The following ZNF385B variants were observed in gnomAD, a reference collection of about 807,000 sequenced individuals.
The protein encoded by ZNF385B is zinc finger protein 533.
Under a neutral mutation model 39.2 loss-of-function variants are expected in ZNF385B, and 23 were observed. The observed-to-expected ratio is 0.59, with a 90% CI of 0.42 to 0.83. The LOEUF (loss-of-function observed/expected upper bound fraction) is 0.83. Ranked by LOEUF, ZNF385B falls within the 40% of genes least tolerant of loss-of-function variation. ZNF385B has a pLI of 0.00. For missense variants in ZNF385B, 552 were observed against 598.9 expected (o/e 0.92, Z 0.82); for synonymous variants, 205 against 222.6 (o/e 0.92, Z 0.70).
At chr2:179,753,333 T>C (rs1276943598) in intron 3 of ZNF385B, among the ~76,000 whole-genome samples, 1 of 152,226 alleles carries the variant, frequency 6.6e-6, no homozygotes, top group Non-Finnish European at 1.5e-5. Context: ...CTGTTTTGGT[T>C]ACTGTGGCCT....
At position 179,689,783 on chromosome 2, in the gene ZNF385B, ATGTG is replaced by A. The variant is rs112957152; in HGVS notation, c.298+79716_298+79719del. ...TGAAGAAGAGCGTGAGGGCAGGGGC[ATGTG>A]TGTGTGTGTGTGTGTGTGTGTGTGT... is the stretch of plus-strand genomic sequence containing the variant. On this transcript the variant is annotated intron_variant, in intron 3 of 9. Transcript: ENST00000410066. Among the ~76,000 whole-genome samples the A allele has an allele frequency of 6.4e-3, 833 of 130,082 alleles. 3 individuals are homozygous for A. Among genetic ancestry groups the A allele is most frequent in the Middle Eastern group, 0.012 (3 of 256 alleles). The allele number at this position is 130,082 out of a possible 152,430, so 85.3% of individuals were successfully genotyped here. A position where few individuals can be genotyped will look rare whatever the true frequency, so the allele number is the denominator to read the frequency against.
intron 3 of ZNF385B, among the ~76,000 whole-genome samples, chr2:179,607,578 G>A (rs1347042665): frequency 1.3e-5 from 2 of 152,020 alleles, no homozygotes; most frequent in Non-Finnish European, 2.9e-5. Context: ...GTGAAAATGG[G>A]CTAATAAAAC....
chr2:179,812,427 C>T (rs960785867), intron 1 of ZNF385B, among the ~76,000 whole-genome samples: 6 of 152,032 alleles, frequency 3.9e-5, no homozygotes, highest in Non-Finnish European at 7.4e-5. Context: ...TAAAGAAACG[C>T]GGTACACATA....
intron 3 of ZNF385B, among the ~76,000 whole-genome samples, chr2:179,657,229 C>G (rs767343273): frequency 2.4e-4 from 36 of 152,272 alleles, no homozygotes; most frequent in Non-Finnish European, 4.3e-4. Context: ...TCATGATGAA[C>G]AAGAAAACTT....
intron 4 of ZNF385B, among the ~76,000 whole-genome samples, chr2:179,520,893 A>G (rs1399687313): frequency 6.6e-6 from 1 of 152,196 alleles, no homozygotes; most frequent in African/African-American, 2.4e-5. Flanking sequence ...TAAATCATAG[A>G]AATAATGTAC....
At position 179,664,311 on chromosome 2, in the gene ZNF385B, A is replaced by G. The variant is rs117601670; in HGVS notation, c.298+105192T>C. On this transcript the variant is annotated intron_variant, in intron 3 of 9. Coordinates refer to ENST00000410066, the MANE Select transcript of ZNF385B (RefSeq NM_152520.6). ...TAAATTGTTCAATTGCATTCATTTT[A>G]ATACTTAGGCTTCACTTAAGACCAT... Among the ~76,000 whole-genome samples the G allele has an allele frequency of 3.2e-4, 48 of 152,272 alleles. No homozygotes were observed. In the East Asian group the frequency reaches 9.1e-3, roughly 29 times the overall value.
At chr2:179,474,180 T>C (rs373567400) in intron 6 of ZNF385B, among the ~76,000 whole-genome samples, 5 of 151,288 alleles carry the variant, frequency 3.3e-5, no homozygotes, top group African/African-American at 1.2e-4. Flanking sequence ...CTTCCAGAAG[T>C]GTCATCTAGT....
chr2:179,496,874 C>G (rs1243839494), intron 5 of ZNF385B, among the ~76,000 whole-genome samples: 1 of 152,122 alleles, frequency 6.6e-6, no homozygotes, highest in East Asian at 1.9e-4. Context: ...CATGGCAAAA[C>G]CTTGTCTCTA....
intron 6 of ZNF385B, among the ~76,000 whole-genome samples, chr2:179,470,371 A>G (rs1194559853): frequency 2.0e-5 from 3 of 152,134 alleles, no homozygotes; most frequent in Non-Finnish European, 4.4e-5. Context: ...AGAAAATGTT[A>G]ATCCACTTCC....
At chr2:179,824,662 ATTTTGT>A (rs1707579857) in intron 1 of ZNF385B, among the ~76,000 whole-genome samples, 1 of 152,118 alleles carries the variant, frequency 6.6e-6, no homozygotes, top group Non-Finnish European at 1.5e-5. Flanking sequence ...GTTTTGTTTA[ATTTTGT>A]TTTTGTTTTT....
intron 5 of ZNF385B, among the ~76,000 whole-genome samples, chr2:179,516,719 CAG>C (rs1211778950): frequency 2.0e-5 from 3 of 151,940 alleles, no homozygotes; most frequent in African/African-American, 7.2e-5. Flanking sequence ...ATTTTCTGAA[CAG>C]TGTAAAAGTG....
chr2:179,580,818 G>C (rs566566856), intron 3 of ZNF385B, among the ~76,000 whole-genome samples: 91 of 152,302 alleles, frequency 6.0e-4, no homozygotes, highest in Admixed American at 2.0e-3. Context: ...AATATAGCTG[G>C]TATCATGTTC....
chr2:179,605,241 A>AT (rs901615072), intron 3 of ZNF385B, among the ~76,000 whole-genome samples: 14 of 151,532 alleles, frequency 9.2e-5, no homozygotes, highest in South Asian at 2.1e-4. Context: ...TAGAAACATG[A>AT]TTTTTTTTTC....
At chr2:179,586,146 G>A (rs760662318) in intron 3 of ZNF385B, among the ~76,000 whole-genome samples, 7 of 152,088 alleles carry the variant, frequency 4.6e-5, no homozygotes, top group African/African-American at 7.2e-5. Flanking sequence ...GTTCATCTGG[G>A]TAGTGGCATT....
At chr2:179,752,935 T>A (rs1166574169) in intron 3 of ZNF385B, among the ~76,000 whole-genome samples, 3 of 152,218 alleles carry the variant, frequency 2.0e-5, no homozygotes, top group African/African-American at 7.2e-5. Flanking sequence ...CTCTTTAGTT[T>A]AATTAGATCC....
At chr2:179,448,593 A>G (rs1168703078) in intron 6 of ZNF385B, among the ~76,000 whole-genome samples, 2 of 152,172 alleles carry the variant, frequency 1.3e-5, no homozygotes, top group Admixed American at 6.6e-5. Flanking sequence ...GCTATCACTT[A>G]CATTGTCTTA....
chr2:179,857,368 C>T (rs530619207), intron 1 of ZNF385B, among the ~76,000 whole-genome samples: 155 of 152,304 alleles, frequency 1.0e-3, no homozygotes, highest in African/African-American at 3.6e-3. Flanking sequence ...CAGGAAGACA[C>T]TGACTCGTAG....
chr2:179,779,417 C>T (rs1395048510), intron 1 of ZNF385B, among the ~76,000 whole-genome samples: 3 of 152,188 alleles, frequency 2.0e-5, no homozygotes, highest in Non-Finnish European at 4.4e-5. Flanking sequence ...GTTGGTCATG[C>T]AGGCCTTTGC....
At chr2:179,842,440 A>G (rs1708583416) in intron 1 of ZNF385B, among the ~76,000 whole-genome samples, 1 of 152,122 alleles carries the variant, frequency 6.6e-6, no homozygotes, top group Non-Finnish European at 1.5e-5. Context: ...TGCTCATCTA[A>G]TAAAATCTTA....
Sources: allele counts gnomAD v4.1 joint callset (sites outside exome capture counted in the v4.1 genomes callset), GRCh38; gene constraint gnomAD v4.1.1; transcripts MANE v1.5; gene names NCBI Gene and HGNC (gene_info 2026-07-23, HGNC 2026-07-21).